NOS1: variants seen among roughly 807,000 people sequenced by gnomAD.
The protein encoded by NOS1 is NOS type I.
A neutral mutation model predicts 164.5 loss-of-function variants in NOS1; 51 were observed. That is an observed-to-expected ratio of 0.31 (90% CI 0.25 to 0.39). The LOEUF (loss-of-function observed/expected upper bound fraction) is 0.39. NOS1 is among the 10% of genes least tolerant of loss of function. The pLI is 1.00. For missense variants in NOS1, 1,362 were observed against 1,885.6 expected (o/e 0.72, Z 5.14); for synonymous variants, 719 against 745.8 (o/e 0.96, Z 0.59).
intron 1 of NOS1, among the ~76,000 whole-genome samples, chr12:117,337,118 T>A: frequency 9.4e-6 from 1 of 106,776 alleles, no homozygotes; most frequent in Admixed American, 1.1e-4. Flanking sequence ...TTTTTTTTTT[T>A]TTTTTTTTTT....
intron 8 of NOS1, among the ~76,000 whole-genome samples, chr12:117,279,877 A>G (rs1272707262): frequency 6.6e-6 from 1 of 152,198 alleles, no homozygotes; most frequent in Non-Finnish European, 1.5e-5. Context: ...CCACATGCAA[A>G]TGAAGTCGGC....
intron 22 of NOS1, among the ~76,000 whole-genome samples, chr12:117,228,266 G>A (rs546307064): frequency 3.3e-5 from 5 of 152,310 alleles, no homozygotes; most frequent in Admixed American, 2.0e-4. Context: ...GAGGGTTATA[G>A]AGGTCCCATG....
chr12:117,354,486 T>G (rs1876772969), intron 1 of NOS1, among the ~76,000 whole-genome samples: 1 of 152,230 alleles, frequency 6.6e-6, no homozygotes, highest in South Asian at 2.1e-4. Context: ...CTTTCATTTT[T>G]CTTACTGAGT....
chr12:117,318,796 G>A (rs9658293), intron 2 of NOS1, among the ~76,000 whole-genome samples: 3,787 of 152,286 alleles, frequency 0.025, 163 homozygotes, highest in African/African-American at 0.087. Flanking sequence ...GGAGGCCGCC[G>A]AGGAGCAGCT....
chr12:117,285,995 G>T, intron 6 of NOS1, 109 bp downstream of exon 6: 2 of 1,232,398 alleles, frequency 1.6e-6, no homozygotes, highest in Non-Finnish European at 2.3e-6. Flanking sequence ...GGTCACCATG[G>T]CTACCAGGTA....
chr12:117,227,727 C>T, intron 22 of NOS1, 86 bp from the exon 23 acceptor site: 1 of 1,336,624 alleles, frequency 7.5e-7, no homozygotes, highest in South Asian at 1.2e-5. Context: ...AGGAAGAAGG[C>T]AAAATAAAAG....
Position 117,301,596 on chromosome 12 carries a change from A to C in NOS1, c.852+9870T>G, listed in dbSNP as rs1286021687. Among the ~76,000 whole-genome samples, 3 of 152,160 alleles carry C rather than the reference A, an allele frequency of 2.0e-5. No individual in the cohort carries two copies. The East Asian group carries it at 5.8e-4, about 29-fold the overall frequency. ...ATCCCCAAATTAATGAAAAACAAGC[A>C]ATAGAGCTGGGCTTGGAATCCAGGC... is the stretch of plus-strand genomic sequence containing the variant. On this transcript the variant is annotated intron_variant, in intron 3 of 28. Coordinates refer to ENST00000317775, the MANE Select transcript of NOS1 (RefSeq NM_000620.5).
chr12:117,355,360 A>T (rs1207843927), intron 1 of NOS1, among the ~76,000 whole-genome samples: 2 of 152,244 alleles, frequency 1.3e-5, no homozygotes, highest in Non-Finnish European at 2.9e-5. Flanking sequence ...AATGCAATTG[A>T]TGGATGATAA....
In NOS1 at chr12:117,330,531, G is replaced by A. The variant is rs1161262948; in HGVS notation, c.539C>T (p.Pro180Leu). The change falls in exon 2 of 29, where the codon CCC (proline) becomes CTC (leucine). Residue 180 changes from proline to leucine, a missense_variant. Coordinates refer to ENST00000317775, the MANE Select transcript of NOS1 (RefSeq NM_000620.5). This position sits in a 1 kb window ranked among gnomAD's most constrained non-coding sequence, Gnocchi z 4.6. The part of the protein sequence containing the change: ...GSLPHANGLA[P>L]RPPGQDPAKK... ...CGCGGGGTCCTGGCCTGGGGGCCTGGGGGCCAGGCCGTTGGCATGGGGGAG... is the reference window on the plus strand; with the variant it reads ...CGCGGGGTCCTGGCCTGGGGGCCTGAGGGCCAGGCCGTTGGCATGGGGGAG... 1 of 1,613,902 alleles carries A rather than the reference G, an allele frequency of 6.2e-7. No homozygotes were observed.
chr12:117,342,596 G>A (rs538025817), intron 1 of NOS1, among the ~76,000 whole-genome samples: 1 of 152,246 alleles, frequency 6.6e-6, no homozygotes, highest in Non-Finnish European at 1.5e-5. Flanking sequence ...AATCTGGAGA[G>A]GTCATCAGGG....
chr12:117,336,789 C>T lies in NOS1; in HGVS notation c.-420-5300G>A, dbSNP rs1593033109. 2.6e-5 allele frequency among the ~76,000 whole-genome samples: 4 copies of T among 152,150 alleles called. No individual in the cohort carries two copies. In the South Asian group the frequency reaches 8.3e-4, roughly 32 times the overall value. On this transcript the variant is annotated intron_variant, in intron 1 of 28. Coordinates refer to ENST00000317775, the MANE Select transcript of NOS1 (RefSeq NM_000620.5). The stretch of plus-strand genomic sequence containing the variant: ...TTATGAAAGTTAATTTTCCCCATTG[C>T]TTTTCACTCTTCTTTCTTTTTTTGT...
Position 117,265,451 on chromosome 12 carries a change from C to T in NOS1, c.2001G>A (p.Met667Ile). The T allele has an allele frequency of 6.3e-7, 1 of 1,587,072 alleles. No individual in the cohort carries two copies. ...CCCCCCGGCAGCGGTACTCATTCTCCATGTGCTTAATGAAGGACTCGGTGG... is the reference window on the plus strand; with the variant it reads ...CCCCCCGGCAGCGGTACTCATTCTCTATGTGCTTAATGAAGGACTCGGTGG... ...HSATESFIKH[M>I]ENEYRCRGGC... The change falls in exon 12 of 29, where the codon ATG (methionine) becomes ATA (isoleucine). Residue 667 changes from methionine (M) to isoleucine (I), a missense_variant. Coordinates refer to ENST00000317775, the MANE Select transcript of NOS1 (RefSeq NM_000620.5).
At chr12:117,360,627 C>T (rs1877094383) in intron 1 of NOS1, among the ~76,000 whole-genome samples, 1 of 152,236 alleles carries the variant, frequency 6.6e-6, no homozygotes, top group African/African-American at 2.4e-5. Context: ...AGTTGGAGGC[C>T]AGGCCGGAGC....
intron 9 of NOS1, among the ~76,000 whole-genome samples, chr12:117,275,960 C>T (rs7139256): frequency 0.83 from 126,674 of 152,112 alleles, 52,871 homozygotes; most frequent in African/African-American, 0.9. Context: ...GTTGCTGGCC[C>T]GAGACCTTGC....
At chr12:117,328,170 C>T (rs1875348189) in intron 2 of NOS1, among the ~76,000 whole-genome samples, 1 of 152,030 alleles carries the variant, frequency 6.6e-6, no homozygotes, top group Non-Finnish European at 1.5e-5. Flanking sequence ...TTCCTCCAGG[C>T]ATTTAATTAA....
chr12:117,304,545 C>T (rs754953309), intron 3 of NOS1, among the ~76,000 whole-genome samples: 3 of 152,188 alleles, frequency 2.0e-5, no homozygotes, highest in African/African-American at 7.2e-5. Context: ...TTTGCTTCTA[C>T]CCCAGAACTA....
At chr12:117,332,092 T>C (rs891727310) in intron 1 of NOS1, among the ~76,000 whole-genome samples, 3 of 152,210 alleles carry the variant, frequency 2.0e-5, no homozygotes, top group African/African-American at 7.2e-5. Context: ...ACTAAGAAGA[T>C]GGGTCCACAC....
chr12:117,225,169 C>G, intron 24 of NOS1, 32 bp from the exon 25 acceptor site: 1 of 1,590,054 alleles, frequency 6.3e-7, no homozygotes, highest in Non-Finnish European at 8.6e-7. Flanking sequence ...AGAAGTCTTG[C>G]AGAGCTCAAA....
At chr12:117,342,693 C>T (rs1876170185) in intron 1 of NOS1, among the ~76,000 whole-genome samples, 1 of 152,036 alleles carries the variant, frequency 6.6e-6, no homozygotes, top group Admixed American at 6.6e-5. Flanking sequence ...GGTTTTGAGA[C>T]AAGAAGTACA....
Sources: allele counts gnomAD v4.1 joint callset (sites outside exome capture counted in the v4.1 genomes callset), GRCh38; gene constraint gnomAD v4.1.1; non-coding constraint Gnocchi (gnomAD v3.1); transcripts MANE v1.5; gene names NCBI Gene and HGNC (gene_info 2026-07-23, HGNC 2026-07-21).